The following FGF13 variants were observed in gnomAD, a reference collection of about 807,000 sequenced individuals.
FGF13 encodes fibroblast growth factor homologous factor 2.
In FGF13, 2 loss-of-function variants were observed where a neutral mutation model predicts 19.5. The ratio of observed to expected loss-of-function variants is 0.10; its 90% confidence interval spans 0.04 to 0.32. The LOEUF (loss-of-function observed/expected upper bound fraction) is 0.32, where lower values mean the gene tolerates loss of function less well. Ranked by LOEUF, FGF13 falls within the 10% of genes least tolerant of loss-of-function variation. The pLI is 1.00. For synonymous variants in FGF13, 72 were observed against 76.9 expected (o/e 0.94, Z 0.33); for missense variants, 113 against 192.7 (o/e 0.59, Z 2.45).
chrX:138,805,140 G>C (rs973550328), intron 3 of FGF13, among the ~76,000 whole-genome samples: 2 of 111,699 alleles, frequency 1.8e-5, no homozygotes, highest in Non-Finnish European at 3.8e-5. Context: ...CACAAATTTG[G>C]AGATGTATAA....
intron 1 of FGF13, among the ~76,000 whole-genome samples, chrX:139,198,019 GAATAA>G (rs1269169439): frequency 3.6e-4 from 30 of 83,254 alleles, no homozygotes; most frequent in African/African-American, 1.3e-3. Context: ...AAAAAAAAAA[GAATAA>G]AATAAGAGTT....
intron 1 of FGF13, among the ~76,000 whole-genome samples, chrX:139,053,018 C>T (rs912498126): frequency 7.6e-5 from 8 of 105,861 alleles, no homozygotes; most frequent in Non-Finnish European, 1.6e-4. Context: ...CCACCCTTCC[C>T]CCCAAGTCCC....
chrX:138,941,938 T>C (rs2091760271), intron 1 of FGF13, among the ~76,000 whole-genome samples: 1 of 112,271 alleles, frequency 8.9e-6, no homozygotes, highest in African/African-American at 3.2e-5. Context: ...GTCTATGTAC[T>C]TGTGTCAGAA....
intron 1 of FGF13, among the ~76,000 whole-genome samples, chrX:139,027,714 C>T (rs192634789): frequency 1.3e-4 from 14 of 111,147 alleles, no homozygotes; most frequent in African/African-American, 3.9e-4. Flanking sequence ...TCTGTAAACA[C>T]GCTAAATAAA....
intron 1 of FGF13, among the ~76,000 whole-genome samples, chrX:139,059,450 G>C (rs1261208318): frequency 2.7e-5 from 3 of 110,039 alleles, no homozygotes; most frequent in Non-Finnish European, 5.7e-5. Flanking sequence ...GAGAGAGAGA[G>C]AGAATATTCT....
chrX:138,982,406 G>T (rs1361534450), intron 1 of FGF13, among the ~76,000 whole-genome samples: 1 of 111,378 alleles, frequency 9.0e-6, no homozygotes, highest in Non-Finnish European at 1.9e-5. Context: ...TCCTTTTCCA[G>T]TCCCTCCACA....
chrX:138,876,632 CT>C (rs1296381725), intron 1 of FGF13, among the ~76,000 whole-genome samples: 1 of 111,970 alleles, frequency 8.9e-6, no homozygotes, highest in African/African-American at 3.3e-5. Context: ...ATCACATGAG[CT>C]TAGAAGAGGA....
intron 1 of FGF13, among the ~76,000 whole-genome samples, chrX:138,967,601 G>A (rs559665635): frequency 1.8e-5 from 2 of 110,676 alleles, no homozygotes; most frequent in South Asian, 7.7e-4. Flanking sequence ...CCTGCGGGGA[G>A]GGTGGATTAA....
At chrX:138,871,838 G>T (rs1365564317) in intron 1 of FGF13, among the ~76,000 whole-genome samples, 3 of 111,965 alleles carry the variant, frequency 2.7e-5, no homozygotes, top group Non-Finnish European at 5.6e-5. Flanking sequence ...AGGAGATGAG[G>T]CCAGAAGGGT....
At chrX:138,948,828 A>G (rs112549165) in intron 1 of FGF13, among the ~76,000 whole-genome samples, 178 of 112,053 alleles carry the variant, frequency 1.6e-3, no homozygotes, top group African/African-American at 5.6e-3. Context: ...ATTGTGTACA[A>G]AGCTGATTGC....
At chrX:139,102,828 A>G (rs2083525119) in intron 1 of FGF13, among the ~76,000 whole-genome samples, 1 of 112,751 alleles carries the variant, frequency 8.9e-6, no homozygotes, top group South Asian at 3.6e-4. Flanking sequence ...CAACGTGGAA[A>G]GGCTCCATGG....
At chrX:138,950,482 G>A (rs1217089571) in intron 1 of FGF13, among the ~76,000 whole-genome samples, 1 of 111,669 alleles carries the variant, frequency 9.0e-6, no homozygotes, top group African/African-American at 3.3e-5. Flanking sequence ...TGATAGGAGT[G>A]AGCCTCACAG....
chrX:139,164,704 T>TAAATAAATAA (rs2084065605), intron 1 of FGF13, among the ~76,000 whole-genome samples: 1 of 107,841 alleles, frequency 9.3e-6, no homozygotes, highest in African/African-American at 3.4e-5. Flanking sequence ...AATAAATAAA[T>TAAATAAATAA]AAATAAATAA....
intron 1 of FGF13, among the ~76,000 whole-genome samples, chrX:139,114,624 T>C (rs1272915459): frequency 8.9e-6 from 1 of 111,950 alleles, no homozygotes; most frequent in Non-Finnish European, 1.9e-5. Context: ...GTCTGCCTCA[T>C]AGGACTGATA....
chrX:138,826,408 A>C (rs778043423), intron 3 of FGF13, among the ~76,000 whole-genome samples: 1 of 112,388 alleles, frequency 8.9e-6, no homozygotes, highest in African/African-American at 3.2e-5. Flanking sequence ...GTCATTTATA[A>C]TTTTCAAACA....
intron 3 of FGF13, among the ~76,000 whole-genome samples, chrX:138,640,109 A>T (rs1325696021): frequency 9.0e-6 from 1 of 111,496 alleles, no homozygotes; most frequent in African/African-American, 3.3e-5. Context: ...AAAATCTAAT[A>T]CTCCTTTTTA....
At chrX:138,839,247 G>A (rs907016737) in intron 3 of FGF13, among the ~76,000 whole-genome samples, 3 of 110,490 alleles carry the variant, frequency 2.7e-5, no homozygotes, top group African/African-American at 6.6e-5. Flanking sequence ...GTGGCCTTTC[G>A]GTCTTGGACT....
intron 3 of FGF13, among the ~76,000 whole-genome samples, chrX:138,700,773 C>T (rs549458218): frequency 4.2e-4 from 47 of 111,909 alleles, no homozygotes; most frequent in Middle Eastern, 4.6e-3. Flanking sequence ...CTAATAGAAA[C>T]ACTTACTTAA....
At chrX:138,867,813 CT>C (rs1404400377) in intron 1 of FGF13, among the ~76,000 whole-genome samples, 2 of 103,864 alleles carry the variant, frequency 1.9e-5, no homozygotes, top group East Asian at 6.6e-4. Context: ...ATCTATCTAT[CT>C]ATCTATCTAT....
Sources: gnomAD v4.1 joint callset for allele counts (sites outside exome capture counted in the v4.1 genomes callset) on GRCh38, gnomAD v4.1.1 for gene constraint, MANE v1.5 for transcripts, NCBI Gene and HGNC (gene_info 2026-07-23, HGNC 2026-07-21) for gene names.